PRKACB: variants seen among roughly 807,000 people sequenced by gnomAD.
PRKACB encodes protein kinase cAMP-activated catalytic subunit beta.
A neutral mutation model predicts 51.4 loss-of-function variants in PRKACB; 16 were observed. The observed-to-expected ratio is 0.31, with a 90% CI of 0.21 to 0.47. The LOEUF is 0.47. Ranked by LOEUF, PRKACB falls within the 20% of genes least tolerant of loss-of-function variation. The probability of loss-of-function intolerance (pLI) is 1.00; values close to 1 mark genes in which losing one functional copy is unlikely to be tolerated. For synonymous variants in PRKACB, 147 were observed against 154.4 expected (o/e 0.95, Z 0.35); for missense variants, 309 against 464.5 (o/e 0.67, Z 3.08).
At chr1:84,122,816 TA>T (rs1309338083) in intron 1 of PRKACB, among the ~76,000 whole-genome samples, 4 of 152,196 alleles carry the variant, frequency 2.6e-5, no homozygotes, top group Admixed American at 1.3e-4. Flanking sequence ...GTGAGAATTT[TA>T]TAGTTTGATT....
At chr1:84,164,959 T>C in intron 1 of PRKACB, 4 of 1,541,544 alleles carry the variant, frequency 2.6e-6, no homozygotes, top group African/African-American at 1.4e-5. Flanking sequence ...CCCTTTGCTG[T>C]TGGATTGTTA....
intron 5 of PRKACB, among the ~76,000 whole-genome samples, chr1:84,190,331 T>A (rs996318259): frequency 5.3e-5 from 8 of 151,998 alleles, no homozygotes; most frequent in Non-Finnish European, 1.2e-4. Context: ...AGACATTGAT[T>A]TATAAATGTT....
chr1:84,197,895 C>A, intron 7 of PRKACB, 71 bp downstream of exon 7: 1 of 1,044,566 alleles, frequency 9.6e-7, no homozygotes, highest in Non-Finnish European at 1.4e-6. Context: ...TTTGTAAAAA[C>A]AGTTTATTGA....
chr1:84,205,523 G>C (rs1671207160), intron 8 of PRKACB: 1 of 152,776 alleles, frequency 6.5e-6, no homozygotes, highest in South Asian at 2.1e-4. Flanking sequence ...TTTTCATTCA[G>C]AATTGTTTTT....
chr1:84,098,370 C>A (rs561442056), intron 1 of PRKACB, among the ~76,000 whole-genome samples: 1 of 152,006 alleles, frequency 6.6e-6, no homozygotes, highest in Non-Finnish European at 1.5e-5. Context: ...TTTTACATAG[C>A]CCATTTTGTT....
At chr1:84,119,646 C>T (rs1010930720) in intron 1 of PRKACB, among the ~76,000 whole-genome samples, 86 of 152,108 alleles carry the variant, frequency 5.7e-4, no homozygotes, top group African/African-American at 1.9e-3. Context: ...CTTTCCACAG[C>T]CCTAGTACTA....
intron 2 of PRKACB, 144 bp from the exon 3 acceptor site, chr1:84,182,056 G>C (rs373856613): frequency 3.9e-5 from 24 of 613,036 alleles, no homozygotes; most frequent in East Asian, 3.2e-4. Flanking sequence ...CAATAAACTG[G>C]AATCTCAATA....
intron 8 of PRKACB, among the ~76,000 whole-genome samples, chr1:84,206,234 A>C (rs1671325996): frequency 6.6e-6 from 1 of 152,232 alleles, no homozygotes; most frequent in African/African-American, 2.4e-5. Context: ...ATAAGGAGAC[A>C]TGCAACATAG....
chr1:84,222,412 T>C (rs1673874668), intron 9 of PRKACB, among the ~76,000 whole-genome samples: 1 of 152,196 alleles, frequency 6.6e-6, no homozygotes, highest in Non-Finnish European at 1.5e-5. Context: ...CTGATTTATT[T>C]ACATTTAAAG....
At chr1:84,232,229 T>C (rs1675815039) in intron 9 of PRKACB, among the ~76,000 whole-genome samples, 1 of 151,788 alleles carries the variant, frequency 6.6e-6, no homozygotes, top group Non-Finnish European at 1.5e-5. Flanking sequence ...AGTTGAGCGG[T>C]TTTGAGTGAG....
chr1:84,086,099 G>A, intron 1 of PRKACB: 1 of 1,440,402 alleles, frequency 6.9e-7, no homozygotes, highest in Non-Finnish European at 9.8e-7. Context: ...TGACCACACA[G>A]ACCTCGCCAT....
intron 1 of PRKACB, among the ~76,000 whole-genome samples, chr1:84,078,980 C>T (rs751086126): frequency 6.6e-5 from 10 of 152,200 alleles, no homozygotes; most frequent in Non-Finnish European, 1.5e-4. Flanking sequence ...TTTCTCTAGA[C>T]ATTCAAGGAT....
At chr1:84,157,400 A>G (rs1571879100) in intron 1 of PRKACB, 1 of 152,066 alleles carries the variant, frequency 6.6e-6, no homozygotes, top group African/African-American at 2.4e-5. Flanking sequence ...TTTTTTTTTA[A>G]TTGAGGTATG....
chr1:84,184,762 T>A (rs1257209581), intron 4 of PRKACB, among the ~76,000 whole-genome samples: 1 of 151,940 alleles, frequency 6.6e-6, no homozygotes, highest in Admixed American at 6.6e-5. Context: ...GTAAATATTC[T>A]TATTAACTTT....
In PRKACB at chr1:84,130,298, G is replaced by T. The variant is rs79171442; in HGVS notation, c.47-48879G>T. Reference sequence around the variant, plus strand: ...AAAATCAATGAAATTCCATTTGTTTGTTTGTTTTCTGGTCCTGCTTTGAGA... The same window carrying T: ...AAAATCAATGAAATTCCATTTGTTTTTTTGTTTTCTGGTCCTGCTTTGAGA... On this transcript the variant is annotated intron_variant, in intron 1 of 8. Transcript: ENST00000370688. Among the ~76,000 whole-genome samples, 1,351 of 149,118 alleles carry T rather than the reference G, an allele frequency of 9.1e-3. 20 individuals are homozygous for T. The highest frequency in any genetic ancestry group is 0.031 in the African/African-American group (1,253 of 40,726).
Position 84,184,024 on chromosome 1 carries a change from C to G in PRKACB, c.379-13C>G, listed in dbSNP as rs1664382534. On this transcript the variant is annotated splice_polypyrimidine_tract_variant and intron_variant, in intron 3 of 9. Coordinates refer to ENST00000370685, the MANE Select transcript of PRKACB (RefSeq NM_182948.4). ...CTTAAATACATTAAGAGATATTTAT[C>G]TCTCAATTACAGGTTGTTAAACTGA... 6.4e-7 allele frequency: 1 copy of G among 1,555,388 alleles called. No homozygotes were observed. Among genetic ancestry groups the G allele is most frequent in the Non-Finnish European group, 8.7e-7 (1 of 1,155,478 alleles).
At chr1:84,143,459 TAGAGAGGTGTTTCTA>T (rs1347281229), upstream of PRKACB, among the ~76,000 whole-genome samples, 1 of 150,498 alleles carries the variant, frequency 6.6e-6, no homozygotes, top group African/African-American at 2.5e-5. Context: ...TAAAAAAAAA[TAGAGAGGTGTTTCTA>T]AGTGAGATCA....
chr1:84,164,666 TAC>T, intron 1 of PRKACB: 1 of 1,398,846 alleles, frequency 7.1e-7, no homozygotes, highest in Non-Finnish European at 9.3e-7. Context: ...GAACATCTTA[TAC>T]ATCCTGGTTC....
At chr1:84,220,988 T>G (rs1673619425) in intron 9 of PRKACB, among the ~76,000 whole-genome samples, 1 of 152,182 alleles carries the variant, frequency 6.6e-6, no homozygotes, top group African/African-American at 2.4e-5. Context: ...TCTTCTTTAA[T>G]TTTTTGGAAT....
Sources: allele counts gnomAD v4.1 joint callset (sites outside exome capture counted in the v4.1 genomes callset), GRCh38; gene constraint gnomAD v4.1.1; transcripts MANE v1.5; gene names NCBI Gene and HGNC (gene_info 2026-07-23, HGNC 2026-07-21).